Variants in SNTG1 observed in about 807,000 individuals in gnomAD.
SNTG1 encodes the protein syntrophin gamma 1.
In SNTG1, 39 loss-of-function variants were observed where a neutral mutation model predicts 74.7. That is an observed-to-expected ratio of 0.52 (90% CI 0.40 to 0.68). SNTG1 has a LOEUF of 0.68. SNTG1 is among the 30% of genes least tolerant of loss of function. The pLI, the probability that SNTG1 is intolerant of heterozygous loss-of-function variation, is 0.00. For synonymous variants in SNTG1, 254 were observed against 217.1 expected, an observed-to-expected ratio of 1.17 and a Z score of -1.49; for missense variants, 685 against 609.5, an observed-to-expected ratio of 1.12 and a Z score of -1.30.
chr8:50,019,107 G>A (rs936111815), intron 1 of SNTG1, among the ~76,000 whole-genome samples: 6 of 151,952 alleles, frequency 3.9e-5, no homozygotes, highest in African/African-American at 1.2e-4. Context: ...ATACGTGTGG[G>A]AATTATTTTG....
intron 17 of SNTG1, among the ~76,000 whole-genome samples, chr8:50,724,313 C>T (rs1006242682): frequency 3.9e-5 from 6 of 152,128 alleles, no homozygotes; most frequent in East Asian, 1.9e-4. Flanking sequence ...GGGTGGGTGT[C>T]GGAGACATAT....
chr8:50,610,191 A>G (rs916998895), intron 13 of SNTG1, among the ~76,000 whole-genome samples: 8 of 152,102 alleles, frequency 5.3e-5, no homozygotes, highest in Non-Finnish European at 8.8e-5. Flanking sequence ...ACTGATGTCT[A>G]TGTATTTTAA....
chr8:50,689,992 G>A (rs941196698), intron 15 of SNTG1, among the ~76,000 whole-genome samples: 6 of 152,102 alleles, frequency 3.9e-5, no homozygotes, highest in African/African-American at 1.4e-4. Flanking sequence ...TGTATGTGTC[G>A]AGGAATTTAT....
chr8:50,756,764 T>A (rs1250394220), intron 18 of SNTG1, among the ~76,000 whole-genome samples: 1 of 151,782 alleles, frequency 6.6e-6, no homozygotes, highest in Non-Finnish European at 1.5e-5. Flanking sequence ...CTTTTGCCTC[T>A]CTCTATATAT....
chr8:50,724,581 C>T (rs1326654426), intron 17 of SNTG1, among the ~76,000 whole-genome samples: 1 of 152,096 alleles, frequency 6.6e-6, no homozygotes, highest in South Asian at 2.1e-4. Flanking sequence ...ATATTTCATT[C>T]TATTAATTAT....
chr8:50,149,542 T>G (rs528632736), intron 1 of SNTG1, among the ~76,000 whole-genome samples: 1 of 152,226 alleles, frequency 6.6e-6, no homozygotes, highest in Non-Finnish European at 1.5e-5. Flanking sequence ...ATTTAAGTCT[T>G]CAATCCATCT....
intron 1 of SNTG1, among the ~76,000 whole-genome samples, chr8:50,047,302 A>G (rs1023320614): frequency 6.6e-6 from 1 of 152,044 alleles, no homozygotes; most frequent in African/African-American, 2.4e-5. Context: ...TGGTGCCACC[A>G]TGCTCTAGCC....
intron 10 of SNTG1, among the ~76,000 whole-genome samples, chr8:50,531,566 G>A (rs1243296295): frequency 3.9e-5 from 6 of 152,012 alleles, no homozygotes; most frequent in South Asian, 4.2e-4. Flanking sequence ...CCTTCACCGC[G>A]CTGGTGCACC....
At chr8:50,307,778 T>C (rs993556171) in intron 2 of SNTG1, among the ~76,000 whole-genome samples, 1 of 151,072 alleles carries the variant, frequency 6.6e-6, no homozygotes, top group Non-Finnish European at 1.5e-5. Context: ...TTATAACTTC[T>C]TTCTGTTCTT....
intron 8 of SNTG1, among the ~76,000 whole-genome samples, chr8:50,497,084 G>A: frequency 6.6e-6 from 1 of 151,504 alleles, no homozygotes; most frequent in Non-Finnish European, 1.5e-5. Context: ...TGATTACACA[G>A]ATACTCATAA....
intron 1 of SNTG1, among the ~76,000 whole-genome samples, chr8:50,052,921 G>T (rs895703567): frequency 6.6e-6 from 1 of 152,088 alleles, no homozygotes; most frequent in African/African-American, 2.4e-5. Context: ...AATAAATGCT[G>T]GCCCAGATGC....
chr8:49,914,747 A>C (rs1805871763), intron 1 of SNTG1, among the ~76,000 whole-genome samples: 1 of 152,198 alleles, frequency 6.6e-6, no homozygotes, highest in African/African-American at 2.4e-5. Context: ...ATATTTAGTA[A>C]TTGGCTGTTT....
chr8:50,238,710 C>A (rs2086030260), intron 2 of SNTG1, among the ~76,000 whole-genome samples: 1 of 152,060 alleles, frequency 6.6e-6, no homozygotes, highest in South Asian at 2.1e-4. Context: ...AGACAACCTA[C>A]AGAACGGAAA....
rs1227396543 is a variant in SNTG1 at position 50,503,476 on chromosome 8, G to T, written c.466+596G>T. On this transcript the variant is annotated intron_variant, in intron 9 of 18. Coordinates refer to ENST00000642720, the MANE Select transcript of SNTG1 (RefSeq NM_018967.5). ...GATCTTGCACAGTCGGATCAGTTCTGAAAAGGCACACATTTGCTTAATCCA... is the reference window on the plus strand; with the variant it reads ...GATCTTGCACAGTCGGATCAGTTCTTAAAAGGCACACATTTGCTTAATCCA... Among the ~76,000 whole-genome samples the T allele has an allele frequency of 5.5e-4, 84 of 152,146 alleles. 1 individual carries two copies. Among genetic ancestry groups the T allele is most frequent in the Non-Finnish European group, 4.4e-5 (3 of 68,024 alleles).
chr8:50,159,960 C>A (rs1414348214), intron 1 of SNTG1, among the ~76,000 whole-genome samples: 1 of 152,128 alleles, frequency 6.6e-6, no homozygotes, highest in Non-Finnish European at 1.5e-5. Flanking sequence ...AAAATATACC[C>A]AATTACCTAA....
intron 5 of SNTG1, among the ~76,000 whole-genome samples, chr8:50,441,458 T>C (rs1008260740): frequency 6.6e-6 from 1 of 152,116 alleles, no homozygotes; most frequent in Non-Finnish European, 1.5e-5. Context: ...ACTCTTCCCT[T>C]GATGTACTAA....
chr8:49,943,063 G>A (rs1808844130), intron 1 of SNTG1, among the ~76,000 whole-genome samples: 1 of 152,158 alleles, frequency 6.6e-6, no homozygotes, highest in South Asian at 2.1e-4. Flanking sequence ...ATGAACTCAT[G>A]GATGTTTATT....
intron 18 of SNTG1, among the ~76,000 whole-genome samples, chr8:50,785,636 A>G (rs2095672537): frequency 6.6e-6 from 1 of 152,090 alleles, no homozygotes; most frequent in Non-Finnish European, 1.5e-5. Context: ...TTTTCAAAAT[A>G]TAGAAAAAGG....
intron 9 of SNTG1, among the ~76,000 whole-genome samples, chr8:50,512,887 T>A (rs973770206): frequency 6.6e-6 from 1 of 151,716 alleles, no homozygotes; most frequent in Non-Finnish European, 1.5e-5. Context: ...TGGAGTAGTT[T>A]GATCATCTGA....
Sources: allele counts gnomAD v4.1 joint callset (sites outside exome capture counted in the v4.1 genomes callset), GRCh38; gene constraint gnomAD v4.1.1; transcripts MANE v1.5; gene names NCBI Gene and HGNC (gene_info 2026-07-23, HGNC 2026-07-21).